The following EPHA6 variants were observed in gnomAD, a reference collection of about 807,000 sequenced individuals.
EPHA6 encodes EPH receptor A6.
EPHA6 carries 50 observed loss-of-function variants against 112.0 expected under a neutral mutation model. The observed-to-expected ratio is 0.45, with a 90% CI of 0.36 to 0.56. The LOEUF (loss-of-function observed/expected upper bound fraction) is 0.56, where lower values mean the gene tolerates loss of function less well. EPHA6 is among the 20% of genes least tolerant of loss of function. The pLI, the probability that EPHA6 is intolerant of heterozygous loss-of-function variation, is 0.00. For missense variants in EPHA6, 1,280 were observed against 1,417.4 expected, an observed-to-expected ratio of 0.90 and a Z score of 1.56; for synonymous variants, 529 against 490.7, an observed-to-expected ratio of 1.08 and a Z score of -1.03.
intron 16 of EPHA6, among the ~76,000 whole-genome samples, chr3:97,741,962 C>T (rs2035523862): frequency 6.6e-6 from 1 of 152,020 alleles, no homozygotes; most frequent in African/African-American, 2.4e-5. Flanking sequence ...CATATATCCC[C>T]CAAACACCCT....
At chr3:97,605,597 A>T (rs530228783) in intron 12 of EPHA6, among the ~76,000 whole-genome samples, 1 of 151,564 alleles carries the variant, frequency 6.6e-6, no homozygotes, top group East Asian at 1.9e-4. Context: ...ATTCTTTTCC[A>T]TTGGTCTATG....
At chr3:97,087,902 G>A (rs184443657) in intron 3 of EPHA6, among the ~76,000 whole-genome samples, 36 of 151,886 alleles carry the variant, frequency 2.4e-4, no homozygotes, top group Middle Eastern at 3.4e-3. Flanking sequence ...AATTTTTTTC[G>A]GCCGGGCACA....
At chr3:97,428,304 T>C (rs1025377958) in intron 6 of EPHA6, among the ~76,000 whole-genome samples, 4 of 152,104 alleles carry the variant, frequency 2.6e-5, no homozygotes, top group African/African-American at 9.7e-5. Context: ...TGATAGTAAA[T>C]ATCTCTTTGA....
rs181635424 is a variant in EPHA6, at chr3:97,156,739, G to T, written c.1115-69525G>T. Among the ~76,000 whole-genome samples, 5 of 152,104 alleles carry T rather than the reference G, an allele frequency of 3.3e-5. No individual in the cohort carries two copies. The East Asian group carries it at 9.7e-4, about 29-fold the overall frequency. ...TTTTTACAATTTAAGAACATTGCTT[G>T]TTTTACTCTTAACCTCTTTTTAATG... is the stretch of plus-strand genomic sequence containing the variant. On this transcript the variant is annotated intron_variant, in intron 3 of 17. Coordinates refer to ENST00000389672, the MANE Select transcript of EPHA6 (RefSeq NM_001080448.3).
intron 3 of EPHA6, among the ~76,000 whole-genome samples, chr3:97,070,966 T>C (rs1283197813): frequency 6.6e-6 from 1 of 152,142 alleles, no homozygotes; most frequent in Non-Finnish European, 1.5e-5. Flanking sequence ...TTCATAGAAT[T>C]AACTTTTGTA....
At chr3:97,110,872 A>G (rs1336054213) in intron 3 of EPHA6, among the ~76,000 whole-genome samples, 2 of 152,058 alleles carry the variant, frequency 1.3e-5, no homozygotes, top group Non-Finnish European at 2.9e-5. Context: ...CAGAGAGTTA[A>G]TGTGACTTGC....
intron 7 of EPHA6, among the ~76,000 whole-genome samples, chr3:97,452,254 C>T (rs1480796817): frequency 2.0e-5 from 3 of 151,784 alleles, no homozygotes; most frequent in Non-Finnish European, 3.0e-5. Flanking sequence ...CTAATTATCA[C>T]TGTTAGCATC....
intron 13 of EPHA6, among the ~76,000 whole-genome samples, chr3:97,622,316 C>G (rs1160092736): frequency 6.6e-6 from 1 of 151,806 alleles, no homozygotes; most frequent in Non-Finnish European, 1.5e-5. Context: ...TTTGACTACT[C>G]TTAGTATCTC....
chr3:97,718,656 C>T (rs1034166049), intron 14 of EPHA6, among the ~76,000 whole-genome samples: 3 of 152,054 alleles, frequency 2.0e-5, no homozygotes, highest in African/African-American at 7.2e-5. Context: ...ACTCCCTGCC[C>T]CCCAACACTC....
At chr3:97,236,473 T>C (rs1343219285) in intron 4 of EPHA6, among the ~76,000 whole-genome samples, 1 of 152,122 alleles carries the variant, frequency 6.6e-6, no homozygotes, top group Non-Finnish European at 1.5e-5. Context: ...TGCTGGAAGA[T>C]TAACGCATTT....
At chr3:96,828,750 A>G (rs938580193) in intron 1 of EPHA6, among the ~76,000 whole-genome samples, 4 of 152,138 alleles carry the variant, frequency 2.6e-5, no homozygotes, top group Non-Finnish European at 5.9e-5. Context: ...CCACAGCTCC[A>G]TCATTCTGAG....
rs1312887711 is a variant in EPHA6 at position 97,755,357 on chromosome 3, C to T, written c.*6656C>T. Reference sequence around the variant, plus strand: ...AGTGAAAATCTTCCCTTAAGTAAAACTGTTCTTACTTGTATTTTCTGCATT... The same window carrying T: ...AGTGAAAATCTTCCCTTAAGTAAAATTGTTCTTACTTGTATTTTCTGCATT... On this transcript the variant is annotated 3_prime_UTR_variant, in exon 18 of 18. Transcript: ENST00000389672. Among the ~76,000 whole-genome samples the T allele has an allele frequency of 6.6e-6, 1 of 152,144 alleles. No individual in the cohort carries two copies. Among genetic ancestry groups the T allele is most frequent in the African/African-American group, 2.4e-5 (1 of 41,450 alleles).
chr3:97,263,730 A>G (rs1328349874), intron 5 of EPHA6, among the ~76,000 whole-genome samples: 1 of 152,108 alleles, frequency 6.6e-6, no homozygotes, highest in African/African-American at 2.4e-5. Context: ...TAATTGTAAT[A>G]TGCAAAGTTA....
intron 1 of EPHA6, among the ~76,000 whole-genome samples, chr3:96,849,849 A>G (rs1182634964): frequency 6.6e-6 from 1 of 152,294 alleles, no homozygotes; most frequent in East Asian, 1.9e-4. Context: ...TGAAATAAAT[A>G]ATAAATGAGG....
At chr3:97,521,614 A>G (rs1448073398) in intron 10 of EPHA6, among the ~76,000 whole-genome samples, 1 of 152,148 alleles carries the variant, frequency 6.6e-6, no homozygotes, top group Non-Finnish European at 1.5e-5. Flanking sequence ...CCCATTATTC[A>G]ATTACCTCCC....
chr3:97,107,408 C>T (rs2047599984), intron 3 of EPHA6, among the ~76,000 whole-genome samples: 1 of 151,636 alleles, frequency 6.6e-6, no homozygotes, highest in East Asian at 1.9e-4. Flanking sequence ...TTTTGTTATA[C>T]ATCACTTTCC....
At chr3:96,892,551 C>T (rs1338354526) in intron 2 of EPHA6, among the ~76,000 whole-genome samples, 1 of 151,984 alleles carries the variant, frequency 6.6e-6, no homozygotes, top group Non-Finnish European at 1.5e-5. Flanking sequence ...TTGCATTGAC[C>T]AGAACTAGTG....
chr3:97,432,142 T>C (rs2089548188), intron 6 of EPHA6, among the ~76,000 whole-genome samples: 1 of 152,098 alleles, frequency 6.6e-6, no homozygotes, highest in African/African-American at 2.4e-5. Flanking sequence ...GCCAGACCCC[T>C]GGGAATTTTG....
intron 10 of EPHA6, among the ~76,000 whole-genome samples, chr3:97,487,651 G>T (rs2091729546): frequency 6.6e-6 from 1 of 152,040 alleles, no homozygotes; most frequent in South Asian, 2.1e-4. Context: ...AAATTTCACT[G>T]GTTTTTTATA....
Sources: allele counts gnomAD v4.1 joint callset (sites outside exome capture counted in the v4.1 genomes callset), GRCh38; gene constraint gnomAD v4.1.1; transcripts MANE v1.5; gene names NCBI Gene and HGNC (gene_info 2026-07-23, HGNC 2026-07-21).